Variants in MTHFD1L observed in about 807,000 individuals in gnomAD.
MTHFD1L encodes methylenetetrahydrofolate dehydrogenase (NADP+ dependent) 1 like, also known as monofunctional C1-tetrahydrofolate synthase, mitochondrial.
MTHFD1L carries 81 observed loss-of-function variants against 119.5 expected under a neutral mutation model. The observed-to-expected ratio is 0.68, with a 90% CI of 0.57 to 0.82. MTHFD1L has a LOEUF of 0.82. MTHFD1L is among the 40% of genes least tolerant of loss of function. The pLI, the probability that MTHFD1L is intolerant of heterozygous loss-of-function variation, is 0.00. For synonymous variants in MTHFD1L, 430 were observed against 475.2 expected (o/e 0.90, Z 1.24); for missense variants, 1,125 against 1,253.4 (o/e 0.90, Z 1.55).
chr6:150,891,720 G>A (rs1477107666), intron 7 of MTHFD1L, among the ~76,000 whole-genome samples: 2 of 151,838 alleles, frequency 1.3e-5, no homozygotes, highest in Admixed American at 1.3e-4. Flanking sequence ...TCTTAAACTG[G>A]GCAATAGGTG....
intron 24 of MTHFD1L, among the ~76,000 whole-genome samples, chr6:151,015,901 A>G (rs1198624069): frequency 6.6e-6 from 1 of 152,162 alleles, no homozygotes; most frequent in Non-Finnish European, 1.5e-5. Context: ...AGCCTGGCCA[A>G]CATAGAGAAA....
chr6:151,067,314 A>C (rs1421115569), intron 26 of MTHFD1L, among the ~76,000 whole-genome samples: 1 of 151,808 alleles, frequency 6.6e-6, no homozygotes, highest in African/African-American at 2.4e-5. Context: ...CAGGTTATTT[A>C]ATCTTTTTAT....
intron 8 of MTHFD1L, among the ~76,000 whole-genome samples, chr6:150,911,135 C>T (rs1189512684): frequency 6.6e-6 from 1 of 152,128 alleles, no homozygotes; most frequent in South Asian, 2.1e-4. Flanking sequence ...GTTCTCAATA[C>T]AATGTATTTA....
At chr6:151,094,424 G>T (rs117172396) in intron 27 of MTHFD1L, among the ~76,000 whole-genome samples, 4 of 152,150 alleles carry the variant, frequency 2.6e-5, no homozygotes, top group Middle Eastern at 3.2e-3. Flanking sequence ...GTTCAGTGGC[G>T]TGATCTCTGC....
At position 150,893,632 on chromosome 6, in the gene MTHFD1L, G is replaced by A. The variant is rs1440001952; in HGVS notation, c.780+5651G>A. On this transcript the variant is annotated intron_variant, in intron 7 of 27. Coordinates refer to ENST00000367321, the MANE Select transcript of MTHFD1L (RefSeq NM_015440.5). ...CATCTGGCTAGAGATTTCCAAAGCT[G>A]AGGGTGAAAGGTTTGGGCATCGGTG... is the stretch of plus-strand genomic sequence containing the variant. Among the ~76,000 whole-genome samples, 9 of 152,166 alleles carry A rather than the reference G, an allele frequency of 5.9e-5. No individual in the cohort carries two copies. The East Asian group carries it at 1.7e-3, about 29-fold the overall frequency.
rs181618056 is a variant in MTHFD1L at position 151,080,269 on chromosome 6, T to C, written c.2848-12198T>C. On this transcript the variant is annotated intron_variant, in intron 26 of 27. Transcript: ENST00000367321. Reference sequence around the variant, plus strand: ...TGCTTATGAGAAACCGAAAGAGAAGTGATTTGTGAACGATTTGAGGACTTT... The same window carrying C: ...TGCTTATGAGAAACCGAAAGAGAAGCGATTTGTGAACGATTTGAGGACTTT... Among the ~76,000 whole-genome samples the C allele has an allele frequency of 2.8e-3, 427 of 152,272 alleles. 5 individuals carry two copies. The highest frequency in any genetic ancestry group is 8.9e-3 in the African/African-American group (369 of 41,558).
intron 11 of MTHFD1L, chr6:150,934,998 A>G (rs60471999): frequency 0.21 from 337,269 of 1,599,598 alleles, 37,271 homozygotes; most frequent in African/African-American, 0.26. Flanking sequence ...CCAGACTTCT[A>G]TCCTGTCCAA....
intron 1 of MTHFD1L, among the ~76,000 whole-genome samples, chr6:150,872,258 C>G (rs1267117536): frequency 6.6e-6 from 1 of 152,188 alleles, no homozygotes; most frequent in Non-Finnish European, 1.5e-5. Context: ...TTTGCATTCA[C>G]AGCTTGGCTA....
At position 150,984,757 on chromosome 6, in the gene MTHFD1L, C is replaced by T. The variant is rs527431588; in HGVS notation, c.2125+12699C>T. On this transcript the variant is annotated intron_variant, in intron 20 of 27. Transcript: ENST00000367321. ...GAATTTCTTAAAGATCAACATGGTA[C>T]TAATACATCTTACAATCTGTCTTTC... 5.1e-4 allele frequency among the ~76,000 whole-genome samples: 78 copies of T among 152,222 alleles called. 1 individual carries two copies. In the Middle Eastern group the frequency reaches 0.017, roughly 33 times the overall value.
chr6:150,926,837 T>C lies in MTHFD1L; in HGVS notation c.1256+542T>C, dbSNP rs1562394157. ...GGTTATTTTATAAAAGACAAATTCA[T>C]AGTTTTTGTGAAAAGGAGTGTTTGC... On this transcript the variant is annotated intron_variant, in intron 11 of 27. Transcript: ENST00000367321. The surrounding 1 kb of genome is among the most constrained non-coding windows in gnomAD (Gnocchi z 4.3). 6.6e-6 allele frequency among the ~76,000 whole-genome samples: 1 copy of C among 152,086 alleles called. No homozygotes were observed. Among genetic ancestry groups the C allele is most frequent in the East Asian group, 1.9e-4 (1 of 5,200 alleles).
At chr6:151,044,781 C>T (rs73620691) in intron 26 of MTHFD1L, among the ~76,000 whole-genome samples, 3,832 of 152,250 alleles carry the variant, frequency 0.025, 178 homozygotes, top group African/African-American at 0.086. Context: ...CTGACATCAT[C>T]GCTTGGCTGG....
Position 151,092,447 on chromosome 6 carries a change from C to T in MTHFD1L, c.2848-20C>T, listed in dbSNP as rs767603511. ...CTTTGTAGCATTTGCTAATCTGTAA[C>T]GCTTGGTTTTCTCCCCCAGATGAGC... On this transcript the variant is annotated intron_variant, in intron 26 of 27. Coordinates refer to ENST00000367321, the MANE Select transcript of MTHFD1L (RefSeq NM_015440.5). 7.4e-5 allele frequency: 118 copies of T among 1,594,606 alleles called. No homozygotes were observed. The highest frequency in any genetic ancestry group is 8.8e-5 in the Non-Finnish European group (103 of 1,167,382).
At chr6:150,920,765 CTATTTATT>C (rs546535594) in intron 9 of MTHFD1L, among the ~76,000 whole-genome samples, 1,851 of 151,316 alleles carry the variant, frequency 0.012, 22 homozygotes, top group Non-Finnish European at 0.018. Context: ...AACACTTAAT[CTATTTATT>C]TATTTATTTA....
At position 150,876,155 on chromosome 6, in the gene MTHFD1L, C is replaced by G. The variant is rs760359979; in HGVS notation, c.293C>G (p.Pro98Arg). ...LLQEKNPAFK[P>R]VLAIIQAGDD... ...CAAGAAAAAAACCCTGCCTTCAAGC[C>G]GGTTCTTGCAATTATCCAGGTAAGC... The change falls in exon 2 of 28, where the codon CCG (proline) becomes CGG (arginine). Residue 98 changes from proline to arginine, a missense_variant. Coordinates refer to ENST00000367321, the MANE Select transcript of MTHFD1L (RefSeq NM_015440.5). 12 of 1,596,270 alleles carry G rather than the reference C, an allele frequency of 7.5e-6. No homozygotes were observed. In the African/African-American group the frequency reaches 9.5e-5, roughly 13 times the overall value.
chr6:150,935,112 T>A, intron 11 of MTHFD1L: 2 of 1,613,928 alleles, frequency 1.2e-6, no homozygotes, highest in Admixed American at 3.3e-5. Flanking sequence ...GTAAATACCA[T>A]ACCTACCAAA....
intron 26 of MTHFD1L, among the ~76,000 whole-genome samples, chr6:151,059,608 C>T (rs1790396927): frequency 6.6e-6 from 1 of 152,204 alleles, no homozygotes; most frequent in African/African-American, 2.4e-5. Context: ...AGGCTCTGCT[C>T]TTACCATTTT....
intron 8 of MTHFD1L, among the ~76,000 whole-genome samples, chr6:150,911,344 A>G (rs572820474): frequency 1.3e-5 from 2 of 152,318 alleles, no homozygotes; most frequent in South Asian, 2.1e-4. Flanking sequence ...ATATGCTGTC[A>G]TTTGACAGTA....
chr6:151,100,058 C>G, intron 27 of MTHFD1L: 1 of 587,264 alleles, frequency 1.7e-6, no homozygotes, highest in Non-Finnish European at 2.9e-6. Context: ...TTTTGAGACG[C>G]AGTCTCGCTC....
intron 26 of MTHFD1L, among the ~76,000 whole-genome samples, chr6:151,083,195 AT>A (rs57223910): frequency 0.36 from 53,926 of 149,438 alleles, 9,868 homozygotes; most frequent in South Asian, 0.49. Flanking sequence ...ATGAAATGCA[AT>A]TTTTTTTTTT....
Sources: allele counts gnomAD v4.1 joint callset (sites outside exome capture counted in the v4.1 genomes callset), GRCh38; gene constraint gnomAD v4.1.1; non-coding constraint Gnocchi (gnomAD v3.1); transcripts MANE v1.5; gene names NCBI Gene and HGNC (gene_info 2026-07-23, HGNC 2026-07-21).